Variants in MKX observed in about 807,000 individuals in gnomAD.
MKX encodes the protein mohawk homeobox, also known as homeobox protein Mohawk.
Under a neutral mutation model 36.0 loss-of-function variants are expected in MKX, and 13 were observed. That is an observed-to-expected ratio of 0.36 (90% CI 0.24 to 0.57). MKX has a LOEUF of 0.57. Among genes scored for constraint, MKX ranks in the 20% least tolerant of loss-of-function variants. MKX has a pLI of 0.79. For missense variants in MKX, 458 were observed against 456.4 expected (o/e 1.00, Z -0.03); for synonymous variants, 176 against 178.3 (o/e 0.99, Z 0.10).
chr10:27,695,925 A>G (rs1836545346), intron 5 of MKX, among the ~76,000 whole-genome samples: 1 of 152,206 alleles, frequency 6.6e-6, no homozygotes, highest in Non-Finnish European at 1.5e-5. Flanking sequence ...TTAATTGAAG[A>G]AGTATTCAAA....
chr10:27,675,567 G>A lies in MKX; in HGVS notation c.839-13C>T, dbSNP rs762382304. Reference sequence around the variant, plus strand: ...TTTTCCAGAGTGTCTGTAAAGAAAAGCAAAAATTCAATTATTTTTATGTTT... The same window carrying A: ...TTTTCCAGAGTGTCTGTAAAGAAAAACAAAAATTCAATTATTTTTATGTTT... On this transcript the variant is annotated splice_polypyrimidine_tract_variant and intron_variant, in intron 5 of 6. Transcript: ENST00000419761. 8 of 1,611,450 alleles carry A rather than the reference G, an allele frequency of 5.0e-6. No individual in the cohort carries two copies. Among genetic ancestry groups the A allele is most frequent in the Non-Finnish European group, 6.8e-6 (8 of 1,178,826 alleles).
chr10:27,730,284 T>C (rs1834594553), intron 5 of MKX, among the ~76,000 whole-genome samples: 1 of 152,202 alleles, frequency 6.6e-6, no homozygotes, highest in Non-Finnish European at 1.5e-5. Context: ...AGAGAAATAA[T>C]GTCTATGTAA....
intron 5 of MKX, among the ~76,000 whole-genome samples, chr10:27,705,085 T>C (rs1343579269): frequency 6.6e-6 from 1 of 152,132 alleles, no homozygotes; most frequent in Non-Finnish European, 1.5e-5. Context: ...ACAGAGGTGC[T>C]CAGACTCATT....
intron 5 of MKX, among the ~76,000 whole-genome samples, chr10:27,701,160 T>C (rs1053339695): frequency 2.6e-5 from 4 of 152,138 alleles, no homozygotes; most frequent in African/African-American, 4.8e-5. Context: ...TTACTAAATC[T>C]GCTTTGATAA....
intron 1 of MKX, 118 bp downstream of exon 1, chr10:27,745,589 G>A (rs2132666073): frequency 6.6e-6 from 1 of 152,576 alleles, no homozygotes; most frequent in East Asian, 1.9e-4. Flanking sequence ...CTCTCCACCA[G>A]ACCTTGGAGG....
chr10:27,738,133 A>T (rs1834818755), intron 3 of MKX, among the ~76,000 whole-genome samples: 1 of 151,980 alleles, frequency 6.6e-6, no homozygotes, highest in Non-Finnish European at 1.5e-5. Flanking sequence ...ACTGTTTCAA[A>T]ACTGATTTCA....
At chr10:27,698,233 T>C (rs1184220724) in intron 5 of MKX, among the ~76,000 whole-genome samples, 1 of 152,142 alleles carries the variant, frequency 6.6e-6, no homozygotes, top group African/African-American at 2.4e-5. Context: ...GAGGGGTTTG[T>C]GGTTCTGTGT....
At position 27,735,325 on chromosome 10, in the gene MKX, C is replaced by T. The variant is rs374145415; in HGVS notation, c.398G>A (p.Arg133Gln). 3.2e-5 allele frequency: 52 copies of T among 1,613,756 alleles called. No homozygotes were observed. The highest frequency in any genetic ancestry group is 1.9e-4 in the South Asian group (17 of 91,042). ...NARRRLKNTV[R>Q]QPDLSWALRI... ...CAAAGCCCAGCTTAAATCTGGCTGT[C>T]GAACGGTATTCTTAAGCCGACGTCT... The change falls in exon 4 of 7, where the codon CGA becomes CAA. Residue 133 changes from arginine (R) to glutamine (Q), a missense_variant. This residue lies in a region of MKX where 297 missense variants were observed against 304.4 expected (regional missense o/e 0.98). Transcript: ENST00000419761.
At chr10:27,680,557 G>A (rs1323055906) in intron 5 of MKX, among the ~76,000 whole-genome samples, 5 of 152,040 alleles carry the variant, frequency 3.3e-5, no homozygotes, top group African/African-American at 1.2e-4. Flanking sequence ...AAGCTCTGTG[G>A]CCAACTGTGA....
chr10:27,679,168 G>A lies in MKX; in HGVS notation c.839-3614C>T, dbSNP rs1589649816. On this transcript the variant is annotated intron_variant, in intron 5 of 6. Coordinates refer to ENST00000419761, the MANE Select transcript of MKX (RefSeq NM_173576.3). Reference sequence around the variant, plus strand: ...GAAAGCATTAGGAGAAATACCTAATGTAAATGACAAGTTGATGAGTGTAGC... The same window carrying A: ...GAAAGCATTAGGAGAAATACCTAATATAAATGACAAGTTGATGAGTGTAGC... Among the ~76,000 whole-genome samples, 3 of 152,146 alleles carry A rather than the reference G, an allele frequency of 2.0e-5. No individual in the cohort carries two copies. In the East Asian group the frequency reaches 5.8e-4, roughly 29 times the overall value.
chr10:27,733,905 A>G (rs956971875), intron 5 of MKX, among the ~76,000 whole-genome samples: 2 of 152,234 alleles, frequency 1.3e-5, no homozygotes, highest in Non-Finnish European at 1.5e-5. Context: ...AAATTTCCAG[A>G]GCAATGGAAG....
rs540663321 is a variant in MKX at position 27,698,593 on chromosome 10, G to T, written c.839-23039C>A. On this transcript the variant is annotated intron_variant, in intron 5 of 6. Coordinates refer to ENST00000419761, the MANE Select transcript of MKX (RefSeq NM_173576.3). Reference sequence around the variant, plus strand: ...TCGGCAACGGCATTGTCTGAGGAAGGGGGGCAAGGAAGAAGGCCAAGCTTC... The same window carrying T: ...TCGGCAACGGCATTGTCTGAGGAAGTGGGGCAAGGAAGAAGGCCAAGCTTC... Among the ~76,000 whole-genome samples, 5 of 152,138 alleles carry T rather than the reference G, an allele frequency of 3.3e-5. No homozygotes were observed. The South Asian group carries it at 6.2e-4, about 19-fold the overall frequency.
At chr10:27,711,128 A>T (rs1032899142) in intron 5 of MKX, among the ~76,000 whole-genome samples, 1 of 152,224 alleles carries the variant, frequency 6.6e-6, no homozygotes, top group Non-Finnish European at 1.5e-5. Context: ...TATGAATAAA[A>T]CTAGATGTGC....
At chr10:27,733,679 T>G (rs1834684805) in intron 5 of MKX, among the ~76,000 whole-genome samples, 1 of 152,224 alleles carries the variant, frequency 6.6e-6, no homozygotes, top group Non-Finnish European at 1.5e-5. Context: ...CTACACCAGA[T>G]GTTGGTCATG....
intron 5 of MKX, among the ~76,000 whole-genome samples, chr10:27,733,584 G>T (rs924049466): frequency 6.6e-6 from 1 of 152,124 alleles, no homozygotes; most frequent in Non-Finnish European, 1.5e-5. Context: ...GATGTAATGT[G>T]CCTGGTCTAG....
chr10:27,713,977 T>G (rs72797694), intron 5 of MKX, among the ~76,000 whole-genome samples: 1 of 133,796 alleles, frequency 7.5e-6, no homozygotes, highest in Non-Finnish European at 1.6e-5. Flanking sequence ...CCTGCTCCTC[T>G]GTAGGCGAGT....
chr10:27,720,327 A>C (rs1370771119), intron 5 of MKX, among the ~76,000 whole-genome samples: 10 of 152,078 alleles, frequency 6.6e-5, no homozygotes, highest in African/African-American at 2.2e-4. Flanking sequence ...ATTAGGAAAA[A>C]AAAAAAGAAA....
Position 27,673,556 on chromosome 10 carries a change from T to C in MKX, c.*1673A>G, listed in dbSNP as rs143646375. ...GGATGCAAACCAAAAGAACTCATACTTCATCTGATCATACAGTCATAACTT... is the reference window on the plus strand; with the variant it reads ...GGATGCAAACCAAAAGAACTCATACCTCATCTGATCATACAGTCATAACTT... On this transcript the variant is annotated 3_prime_UTR_variant, in exon 7 of 7. Transcript: ENST00000419761. The C allele has an allele frequency of 6.5e-6, 1 of 152,730 alleles. No individual in the cohort carries two copies. Among genetic ancestry groups the C allele is most frequent in the East Asian group, 1.9e-4 (1 of 5,188 alleles). The allele number at this position is 152,730 out of a possible 1,614,324, so 9.5% of individuals were successfully genotyped here.
rs925603963 is a variant in MKX at position 27,742,912 on chromosome 10, C to G, written c.188+316G>C. ...TTCCTCGCCCTCAGCCGCGCACCGG[C>G]ACCCACAGTCCGGAGAGGGGCAAAT... On this transcript the variant is annotated intron_variant, in intron 2 of 6. Transcript: ENST00000419761. The surrounding 1 kb of genome is among the most constrained non-coding windows in gnomAD (Gnocchi z 4.2). 6.6e-6 allele frequency among the ~76,000 whole-genome samples: 1 copy of G among 152,228 alleles called. No individual in the cohort carries two copies. Among genetic ancestry groups the G allele is most frequent in the African/African-American group, 2.4e-5 (1 of 41,466 alleles).
Sources: allele counts gnomAD v4.1 joint callset (sites outside exome capture counted in the v4.1 genomes callset), GRCh38; gene constraint gnomAD v4.1.1; regional missense constraint gnomAD v4.1.1; non-coding constraint Gnocchi (gnomAD v3.1); transcripts MANE v1.5; gene names NCBI Gene and HGNC (gene_info 2026-07-23, HGNC 2026-07-21).